NELL2: variants seen among roughly 807,000 people sequenced by gnomAD.
NELL2 encodes the protein neural EGFL like 2.
In NELL2, 41 loss-of-function variants were observed where a neutral mutation model predicts 109.6. That is an observed-to-expected ratio of 0.37 (90% CI 0.29 to 0.49). NELL2 has a LOEUF of 0.49. Among genes scored for constraint, NELL2 ranks in the 20% least tolerant of loss-of-function variants. The probability of loss-of-function intolerance (pLI) is 0.98; values close to 1 mark genes in which losing one functional copy is unlikely to be tolerated. For synonymous variants in NELL2, 355 were observed against 344.7 expected (o/e 1.03, Z -0.33); for missense variants, 900 against 1,008.3 (o/e 0.89, Z 1.45).
At chr12:44,898,092 A>C (rs957421991) in intron 1 of NELL2, among the ~76,000 whole-genome samples, 6 of 152,198 alleles carry the variant, frequency 3.9e-5, no homozygotes, top group African/African-American at 1.2e-4. Flanking sequence ...CTCTGAAAGA[A>C]AGTCAGCAGC....
rs571065619 is a variant in NELL2, at chr12:44,845,598, G to T, written c.185-29462C>A. On this transcript the variant is annotated intron_variant, in intron 2 of 19. Transcript: ENST00000429094. ...GGACAGCTTTGATTACAGAGAAGCT[G>T]GGGTGAAAGGCAGTCCTAAGGTAAA... Among the ~76,000 whole-genome samples, 3 of 152,276 alleles carry T rather than the reference G, an allele frequency of 2.0e-5. 1 individual carries two copies. Among genetic ancestry groups the T allele is most frequent in the African/African-American group, 7.2e-5 (3 of 41,550 alleles).
chr12:44,834,792 G>A (rs1229515662), intron 2 of NELL2, among the ~76,000 whole-genome samples: 1 of 152,172 alleles, frequency 6.6e-6, no homozygotes, highest in Non-Finnish European at 1.5e-5. Flanking sequence ...CCCCTGGCTA[G>A]ACCCAGTCAG....
At chr12:44,602,980 T>TA (rs1164787307) in intron 15 of NELL2, among the ~76,000 whole-genome samples, 2 of 151,910 alleles carry the variant, frequency 1.3e-5, no homozygotes, top group Admixed American at 6.6e-5. Context: ...AAAATAAACT[T>TA]AAAAAAAATC....
chr12:44,920,092 A>G (rs1945857588), intron 1 of NELL2, among the ~76,000 whole-genome samples: 1 of 152,208 alleles, frequency 6.6e-6, no homozygotes, highest in Non-Finnish European at 1.5e-5. Context: ...TCACAGAGAA[A>G]AAAAGAATAA....
At chr12:44,857,720 C>T (rs1362402261) in intron 2 of NELL2, among the ~76,000 whole-genome samples, 2 of 152,160 alleles carry the variant, frequency 1.3e-5, no homozygotes, top group East Asian at 3.9e-4. Context: ...GAGCTATGCC[C>T]TGAATCTTCC....
chr12:44,887,675 T>C lies in NELL2; in HGVS notation c.39-11775A>G, dbSNP rs575595563. Among the ~76,000 whole-genome samples the C allele has an allele frequency of 3.3e-5, 5 of 151,134 alleles. No homozygotes were observed. In the South Asian group the frequency reaches 1.0e-3, roughly 31 times the overall value. ...GTGTGTGTGTTGTTGTTGTTGTTGTTTTTGTTGTTGTTGTTTTGCTATTGA... is the reference window on the plus strand; with the variant it reads ...GTGTGTGTGTTGTTGTTGTTGTTGTCTTTGTTGTTGTTGTTTTGCTATTGA... On this transcript the variant is annotated intron_variant, in intron 1 of 20. Coordinates refer to the NELL2 transcript ENST00000333837.
At chr12:44,842,972 A>T (rs2136755727) in intron 2 of NELL2, among the ~76,000 whole-genome samples, 1 of 152,236 alleles carries the variant, frequency 6.6e-6, no homozygotes, top group South Asian at 2.1e-4. Flanking sequence ...CCTTGCAAAC[A>T]CCTTGATTTC....
chr12:44,770,910 C>T (rs1592499581), intron 9 of NELL2, among the ~76,000 whole-genome samples: 1 of 152,122 alleles, frequency 6.6e-6, no homozygotes, highest in Non-Finnish European at 1.5e-5. Flanking sequence ...GGCATGCATC[C>T]ATGTAATAGC....
intron 2 of NELL2, among the ~76,000 whole-genome samples, chr12:44,824,578 T>C (rs1440079343): frequency 6.6e-6 from 1 of 152,188 alleles, no homozygotes; most frequent in Non-Finnish European, 1.5e-5. Flanking sequence ...GATTTATTTC[T>C]GGGCTATAAC....
At chr12:44,658,875 TC>T (rs1455443475) in intron 13 of NELL2, among the ~76,000 whole-genome samples, 6 of 62,216 alleles carry the variant, frequency 9.6e-5, no homozygotes, top group East Asian at 1.0e-3. Flanking sequence ...AGACTCTGTC[TC>T]CAAAAAAAAA....
At chr12:44,829,573 T>C (rs912590836) in intron 2 of NELL2, among the ~76,000 whole-genome samples, 1 of 152,294 alleles carries the variant, frequency 6.6e-6, no homozygotes, top group East Asian at 1.9e-4. Context: ...AATGAAATGT[T>C]TGAATTTCTT....
intron 2 of NELL2, among the ~76,000 whole-genome samples, chr12:44,861,300 A>C (rs1398093559): frequency 6.6e-6 from 1 of 152,174 alleles, no homozygotes; most frequent in African/African-American, 2.4e-5. Context: ...AAAGCTCAAC[A>C]CTAGGCACGA....
chr12:44,651,703 C>G (rs891031904), intron 13 of NELL2, among the ~76,000 whole-genome samples: 7 of 152,070 alleles, frequency 4.6e-5, no homozygotes, highest in African/African-American at 1.7e-4. Flanking sequence ...TTAAGATGAT[C>G]ATATTTATGA....
At position 44,514,203 on chromosome 12, in the gene NELL2, T is replaced by C. The variant is rs73282341; in HGVS notation, c.2401-5219A>G. On this transcript the variant is annotated intron_variant, in intron 19 of 19. Coordinates refer to ENST00000429094, the MANE Select transcript of NELL2 (RefSeq NM_001145108.2). Reference sequence around the variant, plus strand: ...AATATTCTTCAAATATAAAGACACTTTCAGATAAATAAGAGTTGAAAGAAC... The same window carrying C: ...AATATTCTTCAAATATAAAGACACTCTCAGATAAATAAGAGTTGAAAGAAC... 4.3e-3 allele frequency among the ~76,000 whole-genome samples: 660 copies of C among 151,972 alleles called. 7 individuals are homozygous for C. Among genetic ancestry groups the C allele is most frequent in the African/African-American group, 0.015 (626 of 41,538 alleles).
At chr12:44,515,260 C>T (rs909862095) in intron 19 of NELL2, among the ~76,000 whole-genome samples, 2 of 151,562 alleles carry the variant, frequency 1.3e-5, no homozygotes, top group African/African-American at 4.8e-5. Context: ...AATATAAAAC[C>T]GTTGACAGAT....
chr12:44,621,077 T>C (rs1946039417), intron 13 of NELL2, among the ~76,000 whole-genome samples: 1 of 152,128 alleles, frequency 6.6e-6, no homozygotes, highest in Non-Finnish European at 1.5e-5. Context: ...ATGTACCCAC[T>C]GCAACTTCTA....
At chr12:44,671,338 T>C (rs1236672328) in intron 12 of NELL2, among the ~76,000 whole-genome samples, 1 of 151,978 alleles carries the variant, frequency 6.6e-6, no homozygotes, top group African/African-American at 2.4e-5. Flanking sequence ...CATCAAAAAG[T>C]AGAAATATTT....
At chr12:44,814,061 C>G (rs778760706) in intron 3 of NELL2, among the ~76,000 whole-genome samples, 25 of 152,026 alleles carry the variant, frequency 1.6e-4, no homozygotes, top group Non-Finnish European at 2.9e-4. Flanking sequence ...GGTGTTCGAC[C>G]CTGGGAACCA....
chr12:44,875,699 G>C, intron 1 of NELL2, 116 bp downstream of exon 1: 2 of 1,596,700 alleles, frequency 1.3e-6, no homozygotes, highest in Non-Finnish European at 1.7e-6. Context: ...CTTACTCCAA[G>C]CTTCCCACTC....
Sources: gnomAD v4.1 joint callset for allele counts (sites outside exome capture counted in the v4.1 genomes callset) on GRCh38, gnomAD v4.1.1 for gene constraint, MANE v1.5 for transcripts, NCBI Gene and HGNC (gene_info 2026-07-23, HGNC 2026-07-21) for gene names.